Variants in MED27 observed in about 807,000 individuals in gnomAD.
MED27 encodes mediator of RNA polymerase II transcription subunit 27.
Under a neutral mutation model 38.2 loss-of-function variants are expected in MED27, and 30 were observed. That is an observed-to-expected ratio of 0.79 (90% confidence interval 0.59 to 1.07). The LOEUF (loss-of-function observed/expected upper bound fraction) is 1.07. Among genes scored for constraint, MED27 ranks in the 50% least tolerant of loss-of-function variants. MED27 has a pLI of 0.00. For missense variants in MED27, 289 were observed against 397.5 expected (o/e 0.73, Z 2.32); for synonymous variants, 122 against 153.5 (o/e 0.79, Z 1.52).
chr9:131,921,704 A>T (rs1006345492), intron 4 of MED27, among the ~76,000 whole-genome samples: 1 of 152,214 alleles, frequency 6.6e-6, no homozygotes, highest in East Asian at 1.9e-4. Context: ...TAAATCATGC[A>T]GCTATAAAGA....
chr9:131,959,576 T>C (rs1564300380), intron 3 of MED27, among the ~76,000 whole-genome samples: 1 of 152,194 alleles, frequency 6.6e-6, no homozygotes, highest in South Asian at 2.1e-4. Flanking sequence ...TCCTCTTCTT[T>C]AGACAAGGTA....
At chr9:131,959,593 A>G (rs1266396302) in intron 3 of MED27, among the ~76,000 whole-genome samples, 1 of 152,198 alleles carries the variant, frequency 6.6e-6, no homozygotes, top group Non-Finnish European at 1.5e-5. Flanking sequence ...GGTAATCTCT[A>G]AGGGTCCTTC....
At chr9:131,928,905 C>T (rs1176472307) in intron 4 of MED27, among the ~76,000 whole-genome samples, 1 of 152,188 alleles carries the variant, frequency 6.6e-6, no homozygotes, top group Non-Finnish European at 1.5e-5. Context: ...TAAGGGAGTG[C>T]TTGCGCCACC....
At chr9:131,879,327 G>T (rs1838994859) in intron 6 of MED27, among the ~76,000 whole-genome samples, 2 of 152,352 alleles carry the variant, frequency 1.3e-5, no homozygotes, top group South Asian at 4.1e-4. Flanking sequence ...GGGGGGCGTG[G>T]CTTCCTGCTT....
intron 5 of MED27, among the ~76,000 whole-genome samples, chr9:131,885,682 T>A (rs1019337708): frequency 8.5e-5 from 13 of 152,216 alleles, no homozygotes; most frequent in African/African-American, 3.1e-4. Flanking sequence ...TTTTACTGGT[T>A]TGCATGATAT....
chr9:131,942,592 C>G (rs891007895), intron 3 of MED27, among the ~76,000 whole-genome samples: 1 of 152,164 alleles, frequency 6.6e-6, no homozygotes, highest in Non-Finnish European at 1.5e-5. Context: ...TAGCTCTGGA[C>G]AGCAGAAAGC....
At chr9:132,031,102 T>G (rs1308484590) in intron 2 of MED27, among the ~76,000 whole-genome samples, 1 of 152,248 alleles carries the variant, frequency 6.6e-6, no homozygotes, top group Non-Finnish European at 1.5e-5. Flanking sequence ...AGGTGTCAAG[T>G]AGGCATAAAA....
At chr9:131,879,717 A>T (rs533091143) in intron 6 of MED27, among the ~76,000 whole-genome samples, 1 of 152,232 alleles carries the variant, frequency 6.6e-6, no homozygotes, top group East Asian at 1.9e-4. Context: ...CTGGGAACGA[A>T]CCCCACCCTC....
chr9:131,951,556 C>A (rs1015557913), intron 3 of MED27, among the ~76,000 whole-genome samples: 1 of 152,184 alleles, frequency 6.6e-6, no homozygotes, highest in Non-Finnish European at 1.5e-5. Flanking sequence ...TCTCACAGTG[C>A]CCTCATCTTG....
intron 2 of MED27, among the ~76,000 whole-genome samples, chr9:132,067,351 A>G (rs1833830322): frequency 6.6e-6 from 1 of 152,226 alleles, no homozygotes; most frequent in Admixed American, 6.5e-5. Context: ...CATGGGGTAA[A>G]CACAGGGAGC....
rs768319721 is a variant in MED27, at chr9:132,079,795, G to A, written c.50C>T (p.Ala17Val). The change falls in exon 1 of 8, where the codon GCC (alanine) becomes GTC (valine). Residue 17 changes from alanine to valine, a missense_variant. Coordinates refer to ENST00000292035, the MANE Select transcript of MED27 (RefSeq NM_004269.4). ...GCGCAGCGCCTGGATGGCACTAATGGCCTGGGAAAAGGCCTCCAGGTTCAC... is the reference window on the plus strand; with the variant it reads ...GCGCAGCGCCTGGATGGCACTAATGACCTGGGAAAAGGCCTCCAGGTTCAC... ...VSVNLEAFSQ[A>V]ISAIQALRSS... The A allele has an allele frequency of 2.5e-6, 4 of 1,613,792 alleles. No homozygotes were observed. The highest frequency in any genetic ancestry group is 4.5e-5 in the East Asian group (2 of 44,840).
intron 3 of MED27, among the ~76,000 whole-genome samples, chr9:131,979,381 T>A (rs973074216): frequency 5.3e-5 from 8 of 152,024 alleles, no homozygotes; most frequent in African/African-American, 1.9e-4. Flanking sequence ...CGCTTATGTA[T>A]CTTCCTTTCT....
intron 2 of MED27, among the ~76,000 whole-genome samples, chr9:132,027,764 G>A (rs538213401): frequency 3.9e-5 from 6 of 152,250 alleles, no homozygotes; most frequent in Admixed American, 1.3e-4. Context: ...TTGATTACAG[G>A]GTACTGCTCC....
In MED27 at chr9:132,035,247, T is replaced by C. The variant is rs188519275; in HGVS notation, c.349-20780A>G. 2.1e-3 allele frequency among the ~76,000 whole-genome samples: 325 copies of C among 152,324 alleles called. 1 individual carries two copies. Among genetic ancestry groups the C allele is most frequent in the African/African-American group, 7.1e-3 (297 of 41,562 alleles). On this transcript the variant is annotated intron_variant, in intron 2 of 7. Transcript: ENST00000292035. ...CAGGTTGAATTACAAAGCTAACTTG[T>C]CTAGCCAAACAGCATTTCATTCATT...
At chr9:131,991,401 A>G (rs150324768) in intron 3 of MED27, among the ~76,000 whole-genome samples, 3 of 152,304 alleles carry the variant, frequency 2.0e-5, no homozygotes, top group East Asian at 1.9e-4. Context: ...TCATCCCACT[A>G]TTAGAAGCAA....
chr9:132,079,795 G>C lies in MED27; in HGVS notation c.50C>G (p.Ala17Gly). 4 of 1,613,792 alleles carry C rather than the reference G, an allele frequency of 2.5e-6. No homozygotes were observed. Among genetic ancestry groups the C allele is most frequent in the Non-Finnish European group, 3.4e-6 (4 of 1,179,894 alleles). ...VSVNLEAFSQ[A>G]ISAIQALRSS... ...GCGCAGCGCCTGGATGGCACTAATG[G>C]CCTGGGAAAAGGCCTCCAGGTTCAC... The change falls in exon 1 of 8, where the codon GCC (alanine) becomes GGC (glycine). Residue 17 changes from alanine to glycine, a missense_variant. Physicochemically the swap from Ala to Gly is moderately conservative, Grantham distance 60. Transcript: ENST00000292035.
intron 4 of MED27, among the ~76,000 whole-genome samples, chr9:131,896,052 C>G (rs991089471): frequency 6.6e-6 from 1 of 152,144 alleles, no homozygotes; most frequent in Non-Finnish European, 1.5e-5. Context: ...GTGTGCACAA[C>G]CACATCTGGC....
intron 4 of MED27, among the ~76,000 whole-genome samples, chr9:131,910,283 T>A (rs552593796): frequency 1.3e-5 from 2 of 152,338 alleles, no homozygotes; most frequent in Admixed American, 6.5e-5. Context: ...TATTATGTAT[T>A]ACTATTATTA....
At chr9:131,986,315 T>C (rs1312341637) in intron 3 of MED27, among the ~76,000 whole-genome samples, 2 of 152,102 alleles carry the variant, frequency 1.3e-5, no homozygotes, top group African/African-American at 4.8e-5. Flanking sequence ...CATGGTGAAG[T>C]TCCTGTCCGG....
Sources: allele counts gnomAD v4.1 joint callset (sites outside exome capture counted in the v4.1 genomes callset), GRCh38; gene constraint gnomAD v4.1.1; transcripts MANE v1.5; gene names NCBI Gene and HGNC (gene_info 2026-07-23, HGNC 2026-07-21).